PON1: variants seen among roughly 807,000 people sequenced by gnomAD.
PON1 encodes the protein paraoxonase 1.
PON1 carries 37 observed loss-of-function variants against 39.2 expected under a neutral mutation model. The ratio of observed to expected loss-of-function variants is 0.94; its 90% CI spans 0.73 to 1.24. The LOEUF is 1.24. PON1 is among the 50% of genes most tolerant of loss of function. The probability of loss-of-function intolerance (pLI) is 0.00; values close to 1 mark genes in which losing one functional copy is unlikely to be tolerated. For synonymous variants in PON1, 148 were observed against 152.2 expected (o/e 0.97, Z 0.21); for missense variants, 397 against 413.5 (o/e 0.96, Z 0.35).
intron 1 of PON1, among the ~76,000 whole-genome samples, chr7:95,321,646 G>A (rs1807901247): frequency 6.6e-6 from 1 of 152,176 alleles, no homozygotes; most frequent in African/African-American, 2.4e-5. Flanking sequence ...TTATTTAAGA[G>A]GGTAGAGTTG....
intron 7 of PON1, among the ~76,000 whole-genome samples, chr7:95,305,201 G>A (rs192923264): frequency 2.0e-3 from 306 of 152,272 alleles, no homozygotes; most frequent in African/African-American, 7.1e-3. Flanking sequence ...TACAATTGGC[G>A]CTGACAGTGC....
In PON1 at chr7:95,316,760, G is replaced by A. The variant is rs199616322; in HGVS notation, c.175C>T (p.Pro59Ser). The A allele has an allele frequency of 1.4e-5, 22 of 1,613,524 alleles. No individual in the cohort carries two copies. Residue 59 changes from proline (P) to serine (S), a missense_variant, in exon 3 of 9, where the codon CCT becomes TCT. Transcript: ENST00000222381. ...ETGSEDLEIL[P>S]NGLAFISSGL... ...GAGCTAATGAAAGCCAGTCCATTAG[G>A]CAGTATCTCCAAGTCTTCAGAGCCA... is the stretch of plus-strand genomic sequence containing the variant.
At chr7:95,300,111 G>A (rs1807388925) in intron 8 of PON1, among the ~76,000 whole-genome samples, 1 of 152,216 alleles carries the variant, frequency 6.6e-6, no homozygotes, top group East Asian at 1.9e-4. Context: ...GAGGAGAAAT[G>A]TGATTGTATC....
At position 95,297,971 on chromosome 7, in the gene PON1, A is replaced by T. The variant is rs1807310382; in HGVS notation, c.*973T>A. On this transcript the variant is annotated 3_prime_UTR_variant, in exon 9 of 9. Transcript: ENST00000222381. ...ATAAAGTCATGTTTTCTTCCTAGTCATGTCTCAGTAGATAGCCAAAGGGGT... is the reference window on the plus strand; with the variant it reads ...ATAAAGTCATGTTTTCTTCCTAGTCTTGTCTCAGTAGATAGCCAAAGGGGT... The T allele has an allele frequency of 6.6e-6, 1 of 152,108 alleles. No individual in the cohort carries two copies. The highest frequency in any genetic ancestry group is 1.5e-5 in the Non-Finnish European group (1 of 68,002). 9.4% of individuals were successfully genotyped at this position (152,108 alleles called of 1,614,324 possible).
At chr7:95,324,319 T>C in intron 1 of PON1, 83 bp downstream of exon 1, 1 of 1,322,058 alleles carries the variant, frequency 7.6e-7, no homozygotes, top group South Asian at 1.2e-5. Flanking sequence ...GTTAACAGCC[T>C]GGACCCAACT....
intron 1 of PON1, among the ~76,000 whole-genome samples, chr7:95,321,187 A>G (rs1807888971): frequency 6.6e-6 from 1 of 152,156 alleles, no homozygotes; most frequent in African/African-American, 2.4e-5. Context: ...ACTCACTCCC[A>G]AGGAGGTCAT....
chr7:95,310,163 G>A (rs777859847), intron 5 of PON1, among the ~76,000 whole-genome samples: 14 of 152,056 alleles, frequency 9.2e-5, no homozygotes, highest in Non-Finnish European at 8.8e-5. Context: ...TGTCATCTGG[G>A]GAAACTTAAC....
chr7:95,302,118 A>AAAAC (rs2116298704), intron 8 of PON1, 87 bp downstream of exon 8: 1 of 792,996 alleles, frequency 1.3e-6, no homozygotes, highest in East Asian at 5.5e-5. Flanking sequence ...AAAAAAAAAA[A>AAAAC]AAACCAAGAA....
intron 7 of PON1, among the ~76,000 whole-genome samples, chr7:95,302,971 G>T (rs1395749105): frequency 2.6e-5 from 4 of 152,188 alleles, no homozygotes; most frequent in Admixed American, 2.6e-4. Context: ...TTTGTACAAG[G>T]ATCATAAATA....
chr7:95,298,704 T>C lies in PON1; in HGVS notation c.*240A>G. The C allele has an allele frequency of 3.5e-6, 2 of 575,742 alleles. No individual in the cohort carries two copies. The highest frequency in any genetic ancestry group is 6.2e-6 in the Non-Finnish European group (2 of 322,266). 35.7% of individuals were successfully genotyped at this position (575,742 alleles called of 1,614,324 possible). A position where few individuals can be genotyped will look rare whatever the true frequency, so the allele number is the denominator to read the frequency against. ...GACATAACTGATTTATCCATTTTAG[T>C]GAGAAGGATTTTTATGGTAAATGAG... On this transcript the variant is annotated 3_prime_UTR_variant, in exon 9 of 9. Coordinates refer to ENST00000222381, the MANE Select transcript of PON1 (RefSeq NM_000446.7).
intron 1 of PON1, 116 bp downstream of exon 1, chr7:95,324,286 T>C (rs1026910822): frequency 3.3e-6 from 3 of 922,320 alleles, no homozygotes; most frequent in African/African-American, 1.6e-5. Context: ...AGTGTGCATC[T>C]AGCACCTGCT....
rs182626775 is a variant in PON1, at chr7:95,323,551, T to C, written c.74+851A>G. On this transcript the variant is annotated intron_variant, in intron 1 of 8. Transcript: ENST00000222381. ...GTTTTACTTTAAAGTAAATAAGGCA[T>C]TGTTGACTAAGCCTTAGAGACTAGG... Among the ~76,000 whole-genome samples, 25 of 152,276 alleles carry C rather than the reference T, an allele frequency of 1.6e-4. No individual in the cohort carries two copies. In the East Asian group the frequency reaches 4.6e-3, roughly 28 times the overall value.
At chr7:95,318,428 C>G (rs776569095) in intron 1 of PON1, 35 bp from the exon 2 acceptor site, 3 of 1,540,116 alleles carry the variant, frequency 1.9e-6, no homozygotes, top group Non-Finnish European at 2.7e-6. Context: ...ACACACAAAA[C>G]TATTCAGAAA....
chr7:95,303,765 A>G (rs1161225256), intron 7 of PON1, among the ~76,000 whole-genome samples: 3 of 152,218 alleles, frequency 2.0e-5, no homozygotes, highest in African/African-American at 7.2e-5. Context: ...ACCCCTGCGT[A>G]TCACATCTCA....
Position 95,301,959 on chromosome 7 carries a change from T to C in PON1, c.909+246A>G, listed in dbSNP as rs7792044. Among the ~76,000 whole-genome samples, 15,168 of 148,780 alleles carry C rather than the reference T, an allele frequency of 0.1. 937 individuals carry two copies. The highest frequency in any genetic ancestry group is 0.15 in the African/African-American group (6,202 of 40,438). On this transcript the variant is annotated intron_variant, in intron 8 of 8. Transcript: ENST00000222381. Reference sequence around the variant, plus strand: ...AAAAATACAAAAAATTAGCCAGGCATGGTGGCATGCGCCTGTGGTCCCAAC... The same window carrying C: ...AAAAATACAAAAAATTAGCCAGGCACGGTGGCATGCGCCTGTGGTCCCAAC...
In PON1 at chr7:95,319,278, G is replaced by A. The variant is rs959281817; in HGVS notation, c.75-885C>T. The stretch of plus-strand genomic sequence containing the variant: ...CTGATGACTTGAACTCACAGGAGGC[G>A]GATGGGCTACAGGCGGAACAGACAC... On this transcript the variant is annotated intron_variant, in intron 1 of 8. Coordinates refer to ENST00000222381, the MANE Select transcript of PON1 (RefSeq NM_000446.7). 9.2e-5 allele frequency among the ~76,000 whole-genome samples: 14 copies of A among 152,096 alleles called. 1 individual carries two copies. In the South Asian group the frequency reaches 1.0e-3, roughly 11 times the overall value.
chr7:95,299,103 C>G lies in PON1; in HGVS notation c.910-1G>C, dbSNP rs996229936. On this transcript the variant is annotated splice_acceptor_variant, in intron 8 of 8. Coordinates refer to ENST00000222381, the MANE Select transcript of PON1 (RefSeq NM_000446.7). LOFTEE classifies it high-confidence loss of function. ...TTAGAATGTTCTGGATTCGAAGCAC[C>G]TGTGGAAGAAATAACATTGGGTTAA... 2.0e-5 allele frequency: 33 copies of G among 1,613,730 alleles called. No homozygotes were observed. Among genetic ancestry groups the G allele is most frequent in the Non-Finnish European group, 2.8e-5 (33 of 1,179,714 alleles).
chr7:95,315,525 T>C, intron 3 of PON1, 35 bp from the exon 4 acceptor site: 1 of 1,601,344 alleles, frequency 6.2e-7, no homozygotes, highest in Non-Finnish European at 8.5e-7. Flanking sequence ...TCAAGCACAA[T>C]ACCAGTACTT....
chr7:95,322,344 GTGTGTGTA>G (rs1185959984), intron 1 of PON1, among the ~76,000 whole-genome samples: 12 of 132,316 alleles, frequency 9.1e-5, no homozygotes, highest in Non-Finnish European at 4.8e-5. Context: ...GTGTGTGTGT[GTGTGTGTA>G]TATATATATA....
Sources: allele counts gnomAD v4.1 joint callset (sites outside exome capture counted in the v4.1 genomes callset), GRCh38; gene constraint gnomAD v4.1.1; transcripts MANE v1.5; gene names NCBI Gene and HGNC (gene_info 2026-07-23, HGNC 2026-07-21).